ESRRG: variants seen among roughly 807,000 people sequenced by gnomAD.
ESRRG encodes the protein estrogen related receptor gamma, also known as estrogen-related receptor gamma.
In ESRRG, 13 loss-of-function variants were observed where a neutral mutation model predicts 44.0. The observed-to-expected ratio is 0.30, with a 90% CI of 0.19 to 0.47. The LOEUF is 0.47. ESRRG is among the 20% of genes least tolerant of loss of function. The probability of loss-of-function intolerance (pLI) is 1.00; values close to 1 mark genes in which losing one functional copy is unlikely to be tolerated. For synonymous variants in ESRRG, 215 were observed against 214.6 expected (o/e 1.00, Z -0.02); for missense variants, 395 against 580.6 (o/e 0.68, Z 3.29).
intron 1 of ESRRG, among the ~76,000 whole-genome samples, chr1:217,019,867 A>G (rs1414393406): frequency 2.6e-5 from 4 of 152,236 alleles, no homozygotes; most frequent in Non-Finnish European, 5.9e-5. Flanking sequence ...CTTAGAGAAC[A>G]TACTTTCAAA....
At chr1:216,716,557 A>G (rs1017399145) in intron 1 of ESRRG, among the ~76,000 whole-genome samples, 2 of 151,980 alleles carry the variant, frequency 1.3e-5, no homozygotes, top group Non-Finnish European at 2.9e-5. Flanking sequence ...AGCATATTAC[A>G]CATAATGTGT....
At chr1:217,126,352 C>A (rs995388499) in intron 1 of ESRRG, among the ~76,000 whole-genome samples, 15 of 152,260 alleles carry the variant, frequency 9.9e-5, no homozygotes, top group African/African-American at 2.9e-4. Flanking sequence ...TTTCAACATT[C>A]TATAATATTA....
chr1:216,848,859 C>T (rs568867071), intron 2 of ESRRG, among the ~76,000 whole-genome samples: 6 of 151,920 alleles, frequency 3.9e-5, no homozygotes, highest in South Asian at 4.2e-4. Flanking sequence ...GTAATACTAG[C>T]GCTGGATATG....
At chr1:216,930,749 G>T (rs998917171) in intron 2 of ESRRG, among the ~76,000 whole-genome samples, 3 of 152,202 alleles carry the variant, frequency 2.0e-5, no homozygotes, top group African/African-American at 7.2e-5. Flanking sequence ...AAGGAGTCAG[G>T]AAAGGCTGCA....
At chr1:216,829,572 T>G (rs2095453197) in intron 2 of ESRRG, among the ~76,000 whole-genome samples, 1 of 150,880 alleles carries the variant, frequency 6.6e-6, no homozygotes, top group Non-Finnish European at 1.5e-5. Flanking sequence ...TTTTCTTTTT[T>G]GAGATGGAGT....
intron 1 of ESRRG, among the ~76,000 whole-genome samples, chr1:217,127,015 G>T (rs2092900759): frequency 6.6e-6 from 1 of 152,106 alleles, no homozygotes; most frequent in African/African-American, 2.4e-5. Context: ...TTCTATAACT[G>T]AAAAATCTCT....
chr1:217,127,596 G>C (rs1211565700), intron 1 of ESRRG, among the ~76,000 whole-genome samples: 1 of 152,170 alleles, frequency 6.6e-6, no homozygotes, highest in Non-Finnish European at 1.5e-5. Context: ...GCAACATAAT[G>C]TGGTAAGTAA....
At chr1:216,515,448 C>T (rs556499250) in intron 6 of ESRRG, among the ~76,000 whole-genome samples, 203 of 152,174 alleles carry the variant, frequency 1.3e-3, no homozygotes, top group Non-Finnish European at 1.9e-3. Flanking sequence ...ATATGGTGCC[C>T]ATTCCAGTAT....
intron 2 of ESRRG, among the ~76,000 whole-genome samples, chr1:216,922,038 A>G (rs2061909890): frequency 6.6e-6 from 1 of 152,118 alleles, no homozygotes; most frequent in South Asian, 2.1e-4. Context: ...GTGGGATAAC[A>G]CCGCGGTTAC....
At chr1:216,587,790 G>A (rs1365824855) in intron 3 of ESRRG, among the ~76,000 whole-genome samples, 1 of 152,156 alleles carries the variant, frequency 6.6e-6, no homozygotes. Context: ...TCTTAAAACA[G>A]GGAGAGCCTG....
At chr1:216,913,050 G>C (rs1471447641) in intron 2 of ESRRG, among the ~76,000 whole-genome samples, 1 of 148,406 alleles carries the variant, frequency 6.7e-6, no homozygotes, top group Non-Finnish European at 1.5e-5. Context: ...TTGAACCCCA[G>C]GGTGTGGAGG....
chr1:217,097,843 TA>T (rs5780964), intron 1 of ESRRG, among the ~76,000 whole-genome samples: 126 of 139,030 alleles, frequency 9.1e-4, no homozygotes, highest in African/African-American at 3.1e-3. Flanking sequence ...CCAGGCTGCT[TA>T]AAAAAAAAAA....
intron 3 of ESRRG, among the ~76,000 whole-genome samples, chr1:216,601,614 C>T (rs945907899): frequency 6.6e-6 from 1 of 152,222 alleles, no homozygotes; most frequent in Middle Eastern, 3.4e-3. Context: ...GTACAAGTTG[C>T]GTTCTTTTCA....
upstream of ESRRG, among the ~76,000 whole-genome samples, chr1:217,091,690 G>A (rs978435984): frequency 4.6e-5 from 7 of 152,192 alleles, no homozygotes; most frequent in Admixed American, 1.3e-4. Flanking sequence ...CCAGAAGGAT[G>A]AATTGGTGCA....
chr1:216,603,372 A>G (rs570284642), intron 3 of ESRRG, among the ~76,000 whole-genome samples: 1 of 152,226 alleles, frequency 6.6e-6, no homozygotes, highest in African/African-American at 2.4e-5. Flanking sequence ...TTGAAGTAGC[A>G]TGCAAATATT....
At chr1:216,522,178 C>T (rs1000283863) in intron 5 of ESRRG, among the ~76,000 whole-genome samples, 2 of 149,304 alleles carry the variant, frequency 1.3e-5, no homozygotes, top group African/African-American at 4.9e-5. Context: ...TGTGTTTATC[C>T]TTCCTGCAAA....
rs570134639 is a variant in ESRRG, at chr1:216,958,315, T to C, written c.-105-18642A>G. On this transcript the variant is annotated intron_variant, in intron 1 of 7. Transcript: ENST00000359162. ...ACCTGAGAGTAGAATTGCTGGGTCA[T>C]AGGTAAAAATCTTTAGTTTGATAAA... is the stretch of plus-strand genomic sequence containing the variant. Among the ~76,000 whole-genome samples the C allele has an allele frequency of 7.9e-5, 12 of 152,260 alleles. No homozygotes were observed. The South Asian group carries it at 2.5e-3, about 32-fold the overall frequency.
chr1:216,715,420 C>T (rs1169025654), intron 1 of ESRRG, among the ~76,000 whole-genome samples: 1 of 152,130 alleles, frequency 6.6e-6, no homozygotes, highest in African/African-American at 2.4e-5. Context: ...AATATCTGAT[C>T]TGTTTTAATG....
At chr1:216,936,014 T>C (rs2064092028) in intron 2 of ESRRG, among the ~76,000 whole-genome samples, 1 of 152,028 alleles carries the variant, frequency 6.6e-6, no homozygotes, top group Admixed American at 6.6e-5. Context: ...AGGGGTATGG[T>C]TGAAAGTTCC....
Sources: gnomAD v4.1 joint callset for allele counts (sites outside exome capture counted in the v4.1 genomes callset) on GRCh38, gnomAD v4.1.1 for gene constraint, MANE v1.5 for transcripts, NCBI Gene and HGNC (gene_info 2026-07-23, HGNC 2026-07-21) for gene names.